Variants in FARS2 observed in about 807,000 individuals in gnomAD.
FARS2 encodes the protein phenylalanine--tRNA ligase, mitochondrial.
FARS2 carries 40 observed loss-of-function variants against 46.4 expected under a neutral mutation model. The ratio of observed to expected loss-of-function variants is 0.86; its 90% confidence interval spans 0.67 to 1.12. The LOEUF is 1.12. Ranked by LOEUF, FARS2 falls within the 50% of genes most tolerant of loss-of-function variation. The pLI is 0.00. For missense variants in FARS2, 513 were observed against 567.9 expected, an observed-to-expected ratio of 0.90 and a Z score of 0.98; for synonymous variants, 234 against 214.9, an observed-to-expected ratio of 1.09 and a Z score of -0.78.
intron 4 of FARS2, among the ~76,000 whole-genome samples, chr6:5,436,159 G>A (rs2127778407): frequency 6.6e-6 from 1 of 152,336 alleles, no homozygotes; most frequent in South Asian, 2.1e-4. Flanking sequence ...AGAAGGTGGT[G>A]CCAGGCCTTT....
intron 6 of FARS2, among the ~76,000 whole-genome samples, chr6:5,654,319 A>G (rs1212513150): frequency 2.6e-5 from 4 of 152,184 alleles, no homozygotes; most frequent in Admixed American, 2.6e-4. Flanking sequence ...CCTCTTCTCC[A>G]ATTATCTCTG....
chr6:5,717,572 T>C (rs1399303357), intron 6 of FARS2, among the ~76,000 whole-genome samples: 4 of 152,128 alleles, frequency 2.6e-5, no homozygotes, highest in Admixed American at 1.3e-4. Flanking sequence ...TCTAGAGGCT[T>C]GATCAGATTT....
At chr6:5,576,226 G>A (rs1484403516) in intron 5 of FARS2, among the ~76,000 whole-genome samples, 2 of 152,076 alleles carry the variant, frequency 1.3e-5, no homozygotes, top group Non-Finnish European at 2.9e-5. Flanking sequence ...TGTCTGTGAG[G>A]GTGTTGCCAA....
At chr6:5,408,010 G>T (rs951417320) in intron 3 of FARS2, among the ~76,000 whole-genome samples, 5 of 152,090 alleles carry the variant, frequency 3.3e-5, no homozygotes, top group Admixed American at 6.6e-5. Context: ...ACTATGGAGA[G>T]AATTTTTTTT....
chr6:5,421,217 G>A (rs528199795), intron 3 of FARS2, among the ~76,000 whole-genome samples: 5 of 151,086 alleles, frequency 3.3e-5, no homozygotes, highest in East Asian at 3.9e-4. Context: ...TGCACCCTCC[G>A]AAGCCACAGC....
At chr6:5,584,656 G>C (rs1362697511) in intron 5 of FARS2, among the ~76,000 whole-genome samples, 1 of 152,090 alleles carries the variant, frequency 6.6e-6, no homozygotes, top group Non-Finnish European at 1.5e-5. Flanking sequence ...ACATTTCCTT[G>C]ATGGCTGTTT....
intron 4 of FARS2, among the ~76,000 whole-genome samples, chr6:5,543,144 T>C (rs984015281): frequency 2.0e-5 from 3 of 152,222 alleles, no homozygotes; most frequent in Non-Finnish European, 2.9e-5. Flanking sequence ...AGTTCTTTGC[T>C]AATGACCAGT....
intron 4 of FARS2, among the ~76,000 whole-genome samples, chr6:5,480,773 C>T (rs1766406576): frequency 6.6e-6 from 1 of 152,208 alleles, no homozygotes; most frequent in Non-Finnish European, 1.5e-5. Context: ...GGCTTCTTTT[C>T]TGACTGAGTT....
At chr6:5,687,798 C>G (rs1190028929) in intron 6 of FARS2, among the ~76,000 whole-genome samples, 10 of 152,136 alleles carry the variant, frequency 6.6e-5, no homozygotes. Context: ...GGCAGTATGG[C>G]CATTTTCATG....
chr6:5,418,121 A>G (rs1437837340), intron 3 of FARS2, among the ~76,000 whole-genome samples: 1 of 152,190 alleles, frequency 6.6e-6, no homozygotes, highest in African/African-American at 2.4e-5. Context: ...TTTTGAACAT[A>G]ACGAATATAT....
At chr6:5,413,195 A>G (rs534863664) in intron 3 of FARS2, among the ~76,000 whole-genome samples, 1 of 152,358 alleles carries the variant, frequency 6.6e-6, no homozygotes, top group East Asian at 1.9e-4. Flanking sequence ...GAGCTGAACT[A>G]TAATACTTTT....
chr6:5,745,929 C>A (rs995461535), intron 6 of FARS2, among the ~76,000 whole-genome samples: 2 of 152,066 alleles, frequency 1.3e-5, no homozygotes, highest in African/African-American at 4.8e-5. Context: ...CCTGGGGAGA[C>A]CTCGTCATTG....
At chr6:5,317,490 A>C (rs1424974750) in intron 1 of FARS2, among the ~76,000 whole-genome samples, 1 of 152,172 alleles carries the variant, frequency 6.6e-6, no homozygotes, top group Non-Finnish European at 1.5e-5. Context: ...ATAAATTAAT[A>C]CCAGGCCAGG....
At chr6:5,260,671 C>G (rs1561911389), upstream of FARS2, 1 of 1,548,000 alleles carries the variant, frequency 6.5e-7, no homozygotes, top group Non-Finnish European at 8.7e-7. Context: ...CGCTGAAACG[C>G]TTGCTCTCTC....
chr6:5,449,366 A>C (rs1764356486), intron 4 of FARS2, among the ~76,000 whole-genome samples: 1 of 150,544 alleles, frequency 6.6e-6, no homozygotes, highest in African/African-American at 2.4e-5. Flanking sequence ...AAAAAAAAAA[A>C]GAAAAAAAAG....
At chr6:5,400,120 G>A (rs369098493) in intron 2 of FARS2, among the ~76,000 whole-genome samples, 39 of 152,256 alleles carry the variant, frequency 2.6e-4, no homozygotes, top group South Asian at 1.9e-3. Flanking sequence ...AAGCCTCAGC[G>A]TATTCAAAAG....
intron 1 of FARS2, among the ~76,000 whole-genome samples, chr6:5,364,727 C>G (rs1252523128): frequency 6.6e-6 from 1 of 152,134 alleles, no homozygotes; most frequent in Non-Finnish European, 1.5e-5. Context: ...TTCCAACAAA[C>G]TTTATTTGTA....
intron 4 of FARS2, among the ~76,000 whole-genome samples, chr6:5,523,330 G>A (rs141677260): frequency 1.3e-4 from 20 of 152,294 alleles, no homozygotes; most frequent in African/African-American, 3.6e-4. Flanking sequence ...AGGGAGAAGA[G>A]AAGTAGGGCA....
In FARS2 at chr6:5,376,037, G is replaced by A. The variant is rs539165840; in HGVS notation, c.612+6855G>A. On this transcript the variant is annotated intron_variant, in intron 2 of 6. Transcript: ENST00000274680. ...AATCAAAGTTATGAGACATTTCTAC[G>A]TGCTGGGTGGAGATATTTGCTGTGT... is the stretch of plus-strand genomic sequence containing the variant. 8.5e-5 allele frequency among the ~76,000 whole-genome samples: 13 copies of A among 152,200 alleles called. No homozygotes were observed. The South Asian group carries it at 2.5e-3, about 29-fold the overall frequency.
Sources: allele counts gnomAD v4.1 joint callset (sites outside exome capture counted in the v4.1 genomes callset), GRCh38; gene constraint gnomAD v4.1.1; transcripts MANE v1.5; gene names NCBI Gene and HGNC (gene_info 2026-07-23, HGNC 2026-07-21).